Variants in EPB41L4B observed in about 807,000 individuals in gnomAD.
EPB41L4B encodes erythrocyte membrane protein band 4.1 like 4B.
Under a neutral mutation model 112.5 loss-of-function variants are expected in EPB41L4B, and 30 were observed. The ratio of observed to expected loss-of-function variants is 0.27; its 90% confidence interval spans 0.20 to 0.36. The LOEUF (loss-of-function observed/expected upper bound fraction) is 0.36, where lower values mean the gene tolerates loss of function less well. Ranked by LOEUF, EPB41L4B falls within the 10% of genes least tolerant of loss-of-function variation. The probability of loss-of-function intolerance (pLI) is 1.00; values close to 1 mark genes in which losing one functional copy is unlikely to be tolerated. For synonymous variants in EPB41L4B, 408 were observed against 439.7 expected (o/e 0.93, Z 0.90); for missense variants, 1,024 against 1,133.3 (o/e 0.90, Z 1.38).
At chr9:109,192,039 G>A (rs1355380677) in intron 22 of EPB41L4B, among the ~76,000 whole-genome samples, 1 of 152,158 alleles carries the variant, frequency 6.6e-6, no homozygotes, top group Admixed American at 6.5e-5. Flanking sequence ...CAGTAGACAG[G>A]CATGGGCAGG....
At chr9:109,208,378 T>C (rs1427093387) in intron 17 of EPB41L4B, among the ~76,000 whole-genome samples, 2 of 152,210 alleles carry the variant, frequency 1.3e-5, no homozygotes, top group Non-Finnish European at 2.9e-5. Context: ...CAGTCCAGTG[T>C]TATTTTCCCC....
intron 24 of EPB41L4B, among the ~76,000 whole-genome samples, chr9:109,180,854 C>A (rs1393275323): frequency 4.6e-5 from 7 of 152,104 alleles, no homozygotes; most frequent in African/African-American, 1.7e-4. Context: ...AGGTGTGGAC[C>A]CCAGATTCCT....
chr9:109,319,973 C>T (rs1837791943), intron 1 of EPB41L4B, among the ~76,000 whole-genome samples, 168 bp downstream of exon 1: 1 of 151,958 alleles, frequency 6.6e-6, no homozygotes, highest in Admixed American at 6.5e-5. Context: ...GAGACCGGGA[C>T]GGGGTGGCCC....
chr9:109,249,778 C>T (rs1834712879), intron 13 of EPB41L4B, among the ~76,000 whole-genome samples: 2 of 152,164 alleles, frequency 1.3e-5, no homozygotes, highest in Admixed American at 6.5e-5. Flanking sequence ...ACTAACCCAT[C>T]CAGAATACTG....
rs2118559717 is a variant in EPB41L4B at position 109,174,762 on chromosome 9, AT to A, written c.2634-140del. 3 of 649,978 alleles carry A rather than the reference AT, an allele frequency of 4.6e-6. No individual in the cohort carries two copies. The East Asian group carries it at 8.4e-5, about 18-fold the overall frequency. 40.3% of individuals were successfully genotyped at this position (649,978 alleles called of 1,614,324 possible). On this transcript the variant is annotated intron_variant, in intron 25 of 25. Coordinates refer to ENST00000374566, the MANE Select transcript of EPB41L4B (RefSeq NM_019114.5). The stretch of plus-strand genomic sequence containing the variant: ...TTTAGACTCCTTGAGGACTATCTAC[AT>A]TTGCTAGCATTTCAGTGATCTGAAA...
chr9:109,287,677 C>T (rs528517914), intron 1 of EPB41L4B, among the ~76,000 whole-genome samples: 4 of 152,178 alleles, frequency 2.6e-5, no homozygotes, highest in South Asian at 2.1e-4. Context: ...ACTGTTACCC[C>T]GGGTGGATTA....
chr9:109,200,156 G>T, intron 20 of EPB41L4B, 80 bp downstream of exon 20: 1 of 1,226,566 alleles, frequency 8.2e-7, no homozygotes. Flanking sequence ...GGACTAGTCA[G>T]AAGGGCTAAG....
intron 22 of EPB41L4B, among the ~76,000 whole-genome samples, chr9:109,187,144 A>G (rs1448314207): frequency 2.6e-5 from 4 of 152,162 alleles, no homozygotes; most frequent in Non-Finnish European, 5.9e-5. Context: ...GAACAAATAT[A>G]CACGTCTTTT....
intron 15 of EPB41L4B, among the ~76,000 whole-genome samples, chr9:109,238,639 T>C (rs1184058733): frequency 6.6e-6 from 1 of 151,928 alleles, no homozygotes; most frequent in African/African-American, 2.4e-5. Flanking sequence ...AATACAAAGC[T>C]GTAAGTGCAA....
chr9:109,222,171 T>A (rs1311688534), intron 15 of EPB41L4B, among the ~76,000 whole-genome samples: 1 of 152,114 alleles, frequency 6.6e-6, no homozygotes, highest in African/African-American at 2.4e-5. Flanking sequence ...AAAATATGCA[T>A]GTGTGACCTT....
At chr9:109,185,074 T>G (rs561459961) in intron 23 of EPB41L4B, among the ~76,000 whole-genome samples, 5 of 152,234 alleles carry the variant, frequency 3.3e-5, no homozygotes, top group Non-Finnish European at 7.3e-5. Context: ...GTAATTTTGT[T>G]CACATTGTCA....
intron 6 of EPB41L4B, among the ~76,000 whole-genome samples, chr9:109,261,324 G>C (rs1017225083): frequency 3.3e-5 from 5 of 151,814 alleles, no homozygotes; most frequent in Non-Finnish European, 2.9e-5. Context: ...GGGGTGAGGG[G>C]GGTCTCTCCA....
At position 109,255,516 on chromosome 9, in the gene EPB41L4B, T is replaced by C. The variant is rs757891078; in HGVS notation, c.1164A>G (p.Arg388=). ...TTGCAGAAATGGCTCCCTACCTGAA[T>C]CTGAAGCGAGAGCCCAGCCTGATAA... ...SDFIRLGSRF[R]FSGRTEYQAT... The change falls in exon 11 of 26, where the codon AGA becomes AGG. Residue 388 remains arginine, a synonymous_variant. Coordinates refer to ENST00000374566, the MANE Select transcript of EPB41L4B (RefSeq NM_019114.5). 1.9e-6 allele frequency: 3 copies of C among 1,613,928 alleles called. No individual in the cohort carries two copies. The African/African-American group carries it at 4.0e-5, about 22-fold the overall frequency.
At chr9:109,316,571 G>A (rs1837642438) in intron 1 of EPB41L4B, among the ~76,000 whole-genome samples, 1 of 152,156 alleles carries the variant, frequency 6.6e-6, no homozygotes, top group South Asian at 2.1e-4. Context: ...GTTGGGCAGG[G>A]CTGAGCTAGG....
intron 1 of EPB41L4B, among the ~76,000 whole-genome samples, chr9:109,299,474 G>A (rs1045852472): frequency 6.6e-6 from 1 of 152,028 alleles, no homozygotes; most frequent in Non-Finnish European, 1.5e-5. Flanking sequence ...ATGGTGGGGC[G>A]GGTCTTGCTA....
At chr9:109,241,773 T>C (rs1226664605) in intron 15 of EPB41L4B, 3 of 1,614,232 alleles carry the variant, frequency 1.9e-6, no homozygotes, top group Non-Finnish European at 1.7e-6. Context: ...CACTGGCCGA[T>C]GCTTTCCAAT....
At chr9:109,277,120 C>T (rs3793552) in intron 2 of EPB41L4B, among the ~76,000 whole-genome samples, 19,265 of 151,918 alleles carry the variant, frequency 0.13, 1,500 homozygotes, top group African/African-American at 0.21. Context: ...GCCAAAAATA[C>T]CACACGCTTT....
intron 15 of EPB41L4B, among the ~76,000 whole-genome samples, chr9:109,233,529 CTTT>C (rs1279102986): frequency 1.5e-5 from 2 of 132,680 alleles, no homozygotes; most frequent in African/African-American, 2.9e-5. Flanking sequence ...TGGGAACCTA[CTTT>C]TTTTTTTTTT....
At chr9:109,281,426 G>C (rs1212425430) in intron 1 of EPB41L4B, among the ~76,000 whole-genome samples, 1 of 152,170 alleles carries the variant, frequency 6.6e-6, no homozygotes, top group Non-Finnish European at 1.5e-5. Context: ...AAAAAGGCCG[G>C]GCACAGTGGC....
Sources: allele counts gnomAD v4.1 joint callset (sites outside exome capture counted in the v4.1 genomes callset), GRCh38; gene constraint gnomAD v4.1.1; transcripts MANE v1.5; gene names NCBI Gene and HGNC (gene_info 2026-07-23, HGNC 2026-07-21).